Variants in SV2C observed in about 807,000 individuals in gnomAD.
SV2C encodes synaptic vesicle glycoprotein 2C, also known as solute carrier family 22 member B3.
SV2C carries 49 observed loss-of-function variants against 79.7 expected under a neutral mutation model. The ratio of observed to expected loss-of-function variants is 0.61; its 90% CI spans 0.49 to 0.78. The LOEUF (loss-of-function observed/expected upper bound fraction) is 0.78. Among genes scored for constraint, SV2C ranks in the 30% least tolerant of loss-of-function variants. The pLI, the probability that SV2C is intolerant of heterozygous loss-of-function variation, is 0.00. For missense variants in SV2C, 833 were observed against 912.9 expected (o/e 0.91, Z 1.13); for synonymous variants, 334 against 333.2 (o/e 1.00, Z -0.03).
At chr5:76,119,163 A>C (rs911976005) in intron 1 of SV2C, among the ~76,000 whole-genome samples, 1 of 152,238 alleles carries the variant, frequency 6.6e-6, no homozygotes. Context: ...CCATAGGAAA[A>C]AAATGGTAGA....
intron 4 of SV2C, among the ~76,000 whole-genome samples, chr5:76,268,237 A>G (rs1363087234): frequency 6.6e-6 from 1 of 151,928 alleles, no homozygotes; most frequent in Non-Finnish European, 1.5e-5. Flanking sequence ...TGGGAGGGGG[A>G]AGGGAAAGTG....
intron 2 of SV2C, among the ~76,000 whole-genome samples, chr5:76,151,673 A>T (rs10942757): frequency 1.3e-5 from 2 of 151,944 alleles, no homozygotes; most frequent in East Asian, 1.9e-4. Flanking sequence ...CCTTAATACG[A>T]GAGTTCTGAG....
chr5:76,126,860 C>T (rs1048906601), intron 1 of SV2C, among the ~76,000 whole-genome samples: 1 of 151,984 alleles, frequency 6.6e-6, no homozygotes, highest in African/African-American at 2.4e-5. Flanking sequence ...TGCATAGGGT[C>T]GCATTGTTAC....
the SV2C span, among the ~76,000 whole-genome samples, chr5:75,884,805 TTAA>T: frequency 0.062 from 9,378 of 151,922 alleles, 342 homozygotes; most frequent in Admixed American, 0.084. Flanking sequence ...AAATAAAAAA[TTAA>T]TAATGAAAAA....
the SV2C span, among the ~76,000 whole-genome samples, chr5:75,877,940 GAAAA>G: frequency 4.9e-5 from 6 of 121,416 alleles, no homozygotes; most frequent in African/African-American, 1.7e-4. Context: ...GGGAGTGATA[GAAAA>G]AAAAAAAAAA....
chr5:76,230,114 T>C (rs528096401), intron 4 of SV2C, among the ~76,000 whole-genome samples: 1 of 152,186 alleles, frequency 6.6e-6, no homozygotes, highest in Non-Finnish European at 1.5e-5. Flanking sequence ...TCATGGTAAT[T>C]TGATACATCA....
intron 1 of SV2C, among the ~76,000 whole-genome samples, chr5:76,123,823 C>G (rs532398941): frequency 6.6e-6 from 1 of 152,176 alleles, no homozygotes; most frequent in Non-Finnish European, 1.5e-5. Context: ...AATTACTAAA[C>G]TTGTGATAAA....
intron 2 of SV2C, among the ~76,000 whole-genome samples, chr5:76,191,192 A>G (rs887773489): frequency 2.0e-5 from 3 of 151,870 alleles, no homozygotes; most frequent in Non-Finnish European, 2.9e-5. Context: ...GGGAGGTGCT[A>G]CACACTTTTA....
chr5:75,967,224 G>A, the SV2C span, among the ~76,000 whole-genome samples: 1 of 152,076 alleles, frequency 6.6e-6, no homozygotes. Context: ...TGGCTGAATA[G>A]GAACAGCTCC....
chr5:75,973,078 A>C, the SV2C span, among the ~76,000 whole-genome samples: 1 of 152,074 alleles, frequency 6.6e-6, no homozygotes, highest in Non-Finnish European at 1.5e-5. Context: ...TTGCAAGGAC[A>C]AAAAACCAAA....
At chr5:76,122,489 AT>A (rs1472184735) in intron 1 of SV2C, among the ~76,000 whole-genome samples, 1 of 152,142 alleles carries the variant, frequency 6.6e-6, no homozygotes, top group Non-Finnish European at 1.5e-5. Flanking sequence ...CCCATTCAGT[AT>A]GATATTGGCT....
chr5:76,231,558 G>C (rs954137902), intron 4 of SV2C, among the ~76,000 whole-genome samples: 3 of 148,062 alleles, frequency 2.0e-5, no homozygotes, highest in Admixed American at 6.6e-5. Context: ...TCTAGCATTA[G>C]GTATATCTCC....
the SV2C span, among the ~76,000 whole-genome samples, chr5:75,962,414 C>T: frequency 5.8e-3 from 884 of 152,132 alleles, 13 homozygotes; most frequent in African/African-American, 0.02. Context: ...GGTTGCAGTT[C>T]AAACTGACAA....
At chr5:76,078,465 G>A (rs1350231033), upstream of SV2C, among the ~76,000 whole-genome samples, 1 of 152,158 alleles carries the variant, frequency 6.6e-6, no homozygotes, top group Non-Finnish European at 1.5e-5. Context: ...TGTAAGAGAT[G>A]AGAAAAGCAC....
intron 4 of SV2C, among the ~76,000 whole-genome samples, chr5:76,284,004 G>T (rs1033454611): frequency 2.0e-5 from 3 of 152,132 alleles, no homozygotes; most frequent in African/African-American, 7.2e-5. Context: ...TTCACAAAAA[G>T]GCATATAAAT....
the SV2C span, among the ~76,000 whole-genome samples, chr5:76,030,278 T>TGTTTTG: frequency 0.029 from 3,345 of 116,942 alleles, 254 homozygotes; most frequent in African/African-American, 0.11. Flanking sequence ...TTTTTTTTTT[T>TGTTTTG]TTTTTTTTTT....
At chr5:76,084,976 T>C (rs1747131897) in intron 1 of SV2C, among the ~76,000 whole-genome samples, 1 of 152,190 alleles carries the variant, frequency 6.6e-6, no homozygotes, top group Non-Finnish European at 1.5e-5. Flanking sequence ...GAGGCGTCTT[T>C]TAAGGCTCAT....
the SV2C span, among the ~76,000 whole-genome samples, chr5:76,032,031 T>TCTA: frequency 6.6e-6 from 1 of 152,200 alleles, no homozygotes; most frequent in Admixed American, 6.5e-5. Flanking sequence ...ATGGGAAGAC[T>TCTA]CTACATATAT....
chr5:75,988,251 G>T, the SV2C span, among the ~76,000 whole-genome samples: 1 of 151,948 alleles, frequency 6.6e-6, no homozygotes, highest in Non-Finnish European at 1.5e-5. Flanking sequence ...GCCACTTGTA[G>T]TGGCTGTCAG....
Sources: allele counts gnomAD v4.1 joint callset (sites outside exome capture counted in the v4.1 genomes callset), GRCh38; gene constraint gnomAD v4.1.1; transcripts MANE v1.5; gene names NCBI Gene and HGNC (gene_info 2026-07-23, HGNC 2026-07-21).